Variants in BRD10 observed in about 807,000 individuals in gnomAD.
The protein encoded by BRD10 is bromodomain containing 10.
the BRD10 span, among the ~76,000 whole-genome samples, chr9:5,950,245 ATGTTT>A: frequency 1.3e-5 from 2 of 152,234 alleles, no homozygotes; most frequent in African/African-American, 4.8e-5. Context: ...TCAATAATAG[ATGTTT>A]TTATGCCATT....
the BRD10 span, among the ~76,000 whole-genome samples, chr9:5,940,622 T>A: frequency 6.6e-6 from 1 of 152,234 alleles, no homozygotes; most frequent in South Asian, 2.1e-4. Context: ...CTGCTGGACA[T>A]ATGGATTTTT....
chr9:5,886,724 G>A, the BRD10 span, among the ~76,000 whole-genome samples: 6 of 152,184 alleles, frequency 3.9e-5, no homozygotes, highest in South Asian at 2.1e-4. Flanking sequence ...GCCCAAGGCC[G>A]GCTCAAAAAC....
chr9:5,915,326 A>G, the BRD10 span, among the ~76,000 whole-genome samples: 2 of 152,224 alleles, frequency 1.3e-5, no homozygotes, highest in Non-Finnish European at 2.9e-5. Context: ...GCTACTATTT[A>G]AGTATTTACT....
the BRD10 span, among the ~76,000 whole-genome samples, chr9:5,904,373 T>C: frequency 1.3e-5 from 2 of 151,966 alleles, no homozygotes; most frequent in African/African-American, 2.4e-5. Flanking sequence ...CCTCTGTTCT[T>C]TGTTTCTATT....
the BRD10 span, among the ~76,000 whole-genome samples, chr9:5,995,431 A>G: frequency 2.0e-4 from 31 of 152,332 alleles, no homozygotes; most frequent in African/African-American, 7.5e-4. Flanking sequence ...CAGAATTTGT[A>G]TTTCATTAAT....
At chr9:5,994,901 C>CTT in the BRD10 span, among the ~76,000 whole-genome samples, 1 of 141,678 alleles carries the variant, frequency 7.1e-6, no homozygotes, top group Non-Finnish European at 1.6e-5. Flanking sequence ...TATCATTTTT[C>CTT]TTTTTTTTTT....
chr9:5,922,090 T>C, the BRD10 span: 1 of 1,613,926 alleles, frequency 6.2e-7, no homozygotes, highest in East Asian at 2.2e-5. Context: ...CAGTATTGGG[T>C]GAATTTTGAT....
At chr9:5,896,897 C>A in the BRD10 span, among the ~76,000 whole-genome samples, 1 of 152,210 alleles carries the variant, frequency 6.6e-6, no homozygotes, top group Non-Finnish European at 1.5e-5. Context: ...CCAGACACTT[C>A]TCCCTAGGGC....
the BRD10 span, among the ~76,000 whole-genome samples, chr9:5,945,825 A>T: frequency 1.8e-4 from 28 of 152,114 alleles, 1 homozygote; most frequent in Admixed American, 1.6e-3. Context: ...GATTTCTGAA[A>T]CAAAACTACA....
chr9:5,900,528 G>C, the BRD10 span, among the ~76,000 whole-genome samples: 1 of 152,096 alleles, frequency 6.6e-6, no homozygotes, highest in Non-Finnish European at 1.5e-5. Context: ...TCTGTCTTCA[G>C]TGATTCTATT....
chr9:5,912,469 C>A, the BRD10 span, among the ~76,000 whole-genome samples: 1 of 151,958 alleles, frequency 6.6e-6, no homozygotes, highest in Non-Finnish European at 1.5e-5. Context: ...GGTTGGGGAA[C>A]GGGCCTTGAA....
At chr9:5,945,644 G>C in the BRD10 span, among the ~76,000 whole-genome samples, 1 of 151,990 alleles carries the variant, frequency 6.6e-6, no homozygotes, top group Non-Finnish European at 1.5e-5. Flanking sequence ...AACTAAACTA[G>C]CTTGGTTTAA....
At chr9:6,007,367 G>C in the BRD10 span, 1 of 1,613,180 alleles carries the variant, frequency 6.2e-7, no homozygotes, top group Non-Finnish European at 8.5e-7. Flanking sequence ...TCTTCCATCT[G>C]CAGCAGACAC....
At chr9:6,008,446 G>A in the BRD10 span, among the ~76,000 whole-genome samples, 1 of 151,746 alleles carries the variant, frequency 6.6e-6, no homozygotes, top group Non-Finnish European at 1.5e-5. Flanking sequence ...GAGAAGCAAA[G>A]AAAGAGGCCC....
At chr9:5,975,642 C>A in the BRD10 span, among the ~76,000 whole-genome samples, 1 of 151,766 alleles carries the variant, frequency 6.6e-6, no homozygotes, top group Non-Finnish European at 1.5e-5. Context: ...TTAGACACGG[C>A]AGAAGAAAAG....
chr9:5,939,499 G>A, the BRD10 span, among the ~76,000 whole-genome samples: 1 of 152,150 alleles, frequency 6.6e-6, no homozygotes, highest in East Asian at 1.9e-4. Context: ...ATGGAATCAC[G>A]AAAGGTAAAG....
chr9:6,003,705 T>C, the BRD10 span, among the ~76,000 whole-genome samples: 6 of 152,166 alleles, frequency 3.9e-5, no homozygotes. Context: ...TAATCAGCTT[T>C]TGGAAACTGA....
chr9:5,932,779 C>T, the BRD10 span, among the ~76,000 whole-genome samples: 2 of 152,102 alleles, frequency 1.3e-5, no homozygotes, highest in Non-Finnish European at 2.9e-5. Context: ...CTATACAATG[C>T]TGTATTTCTT....
At chr9:5,897,501 C>G in the BRD10 span, 46 of 1,474,278 alleles carry the variant, frequency 3.1e-5, no homozygotes, top group East Asian at 8.4e-4. Flanking sequence ...TATGCTTCAT[C>G]ATAATGTAGA....
Sources: gnomAD v4.1 joint callset for allele counts (sites outside exome capture counted in the v4.1 genomes callset) on GRCh38, gnomAD v4.1.1 for gene constraint, MANE v1.5 for transcripts, NCBI Gene and HGNC (gene_info 2026-07-23, HGNC 2026-07-21) for gene names.